The following ADAM22 variants were observed in gnomAD, a reference collection of about 807,000 sequenced individuals.
The protein encoded by ADAM22 is ADAM metallopeptidase domain 22, also known as disintegrin and metalloproteinase domain-containing protein 22.
ADAM22 carries 65 observed loss-of-function variants against 144.6 expected under a neutral mutation model. The observed-to-expected ratio is 0.45, with a 90% CI of 0.37 to 0.55. The LOEUF is 0.55. Ranked by LOEUF, ADAM22 falls within the 20% of genes least tolerant of loss-of-function variation. The pLI is 0.00. For missense variants in ADAM22, 974 were observed against 1,184.9 expected (o/e 0.82, Z 2.61); for synonymous variants, 391 against 412.6 (o/e 0.95, Z 0.63).
chr7:88,011,952 T>A (rs1435282541), intron 3 of ADAM22, among the ~76,000 whole-genome samples: 1 of 152,212 alleles, frequency 6.6e-6, no homozygotes, highest in Non-Finnish European at 1.5e-5. Flanking sequence ...TCTTGCTTGT[T>A]TTTATGCTAT....
intron 3 of ADAM22, among the ~76,000 whole-genome samples, chr7:88,060,949 C>T (rs1809668988): frequency 6.6e-6 from 1 of 151,344 alleles, no homozygotes; most frequent in African/African-American, 2.4e-5. Flanking sequence ...ACTAAAAATA[C>T]AAAACTTAGC....
chr7:88,179,049 T>A lies in ADAM22; in HGVS notation c.2415T>A (p.Ala805=). ...NSASSSKKRS[A]FLSHFQISTC... ...CATCTAGTTCTAAGAAGAGGTCTGC[T>A]TTTCTGTCGCATTTTCAGATTTCTA... Residue 805 remains alanine (A), a synonymous_variant, in exon 27 of 32, where the codon GCT becomes GCA. Coordinates refer to ENST00000413139, the MANE Select transcript of ADAM22 (RefSeq NM_001324418.2). 2.5e-6 allele frequency: 4 copies of A among 1,606,590 alleles called. No individual in the cohort carries two copies. The highest frequency in any genetic ancestry group is 3.4e-6 in the Non-Finnish European group (4 of 1,173,320).
chr7:88,087,123 G>C (rs1818643776), intron 4 of ADAM22, among the ~76,000 whole-genome samples: 1 of 152,044 alleles, frequency 6.6e-6, no homozygotes, highest in Non-Finnish European at 1.5e-5. Flanking sequence ...CTCCAGAGCT[G>C]ACTCTTACAT....
rs577380592 is a variant in ADAM22 at position 87,959,372 on chromosome 7, C to T, written c.247-18964C>T. ...AGTAAGAGCTCAATAAATGTTAGCT[C>T]CTTTTTTTTTAAGCTCCTATAATTA... On this transcript the variant is annotated intron_variant, in intron 2 of 31. Transcript: ENST00000413139. 3.9e-5 allele frequency among the ~76,000 whole-genome samples: 6 copies of T among 152,166 alleles called. 2 individuals are homozygous for T. In the South Asian group the frequency reaches 1.2e-3, roughly 32 times the overall value.
At chr7:88,072,007 A>G (rs1026628778) in intron 3 of ADAM22, among the ~76,000 whole-genome samples, 5 of 152,218 alleles carry the variant, frequency 3.3e-5, no homozygotes, top group African/African-American at 4.8e-5. Flanking sequence ...GGAAGCTTCA[A>G]GAAAATTAAC....
intron 23 of ADAM22, 34 bp downstream of exon 23, chr7:88,163,214 T>C: frequency 6.6e-7 from 1 of 1,526,446 alleles, no homozygotes. Context: ...AATCTATTTC[T>C]TTTATATCAC....
intron 4 of ADAM22, among the ~76,000 whole-genome samples, chr7:88,100,375 A>G (rs1447321735): frequency 6.6e-6 from 1 of 152,176 alleles, no homozygotes; most frequent in Non-Finnish European, 1.5e-5. Flanking sequence ...TTCATGGATT[A>G]TTGGCATTTG....
At chr7:88,017,621 A>G (rs1214394117) in intron 3 of ADAM22, among the ~76,000 whole-genome samples, 1 of 152,138 alleles carries the variant, frequency 6.6e-6, no homozygotes, top group Non-Finnish European at 1.5e-5. Context: ...TGCATGTCCA[A>G]AATGATATAA....
At chr7:87,988,097 C>T (rs1487183951) in intron 3 of ADAM22, among the ~76,000 whole-genome samples, 3 of 152,118 alleles carry the variant, frequency 2.0e-5, no homozygotes, top group Admixed American at 6.5e-5. Flanking sequence ...GAAAGATTAA[C>T]AGTGACTATT....
intron 3 of ADAM22, among the ~76,000 whole-genome samples, chr7:88,049,807 G>T (rs185723961): frequency 2.0e-5 from 3 of 152,176 alleles, no homozygotes; most frequent in Non-Finnish European, 4.4e-5. Context: ...TTAGTGAATG[G>T]TATATAGATT....
At chr7:88,005,413 GC>G (rs1276245578) in intron 3 of ADAM22, among the ~76,000 whole-genome samples, 4 of 152,172 alleles carry the variant, frequency 2.6e-5, no homozygotes, top group Non-Finnish European at 4.4e-5. Context: ...GAGGCTGCAG[GC>G]CCAGTGCTAT....
chr7:88,105,006 A>G (rs1250273830), intron 4 of ADAM22, among the ~76,000 whole-genome samples: 2 of 152,186 alleles, frequency 1.3e-5, no homozygotes, highest in Non-Finnish European at 2.9e-5. Context: ...AATCATCTAT[A>G]TAACTCTCCC....
intron 15 of ADAM22, among the ~76,000 whole-genome samples, chr7:88,144,471 A>G (rs534068746): frequency 1.6e-4 from 24 of 152,244 alleles, no homozygotes; most frequent in African/African-American, 5.8e-4. Context: ...TCGCTGCAAA[A>G]CTATCTTAAT....
intron 18 of ADAM22, among the ~76,000 whole-genome samples, chr7:88,149,916 T>G (rs1221228058): frequency 1.3e-5 from 2 of 152,234 alleles, no homozygotes; most frequent in Non-Finnish European, 2.9e-5. Flanking sequence ...GAGCATATTT[T>G]CTATGCCTTG....
chr7:88,087,976 A>G (rs1183354226), intron 4 of ADAM22, among the ~76,000 whole-genome samples: 1 of 152,208 alleles, frequency 6.6e-6, no homozygotes. Context: ...AAAAAGATGA[A>G]TAAGTAAGCA....
chr7:88,005,817 A>G (rs1793688565), intron 3 of ADAM22, among the ~76,000 whole-genome samples: 1 of 152,198 alleles, frequency 6.6e-6, no homozygotes, highest in South Asian at 2.1e-4. Flanking sequence ...ATGATTACAA[A>G]GTTAAGTATG....
chr7:88,137,907 A>C lies in ADAM22; in HGVS notation c.1220+1876A>C, dbSNP rs1046136269. Among the ~76,000 whole-genome samples the C allele has an allele frequency of 6.4e-4, 98 of 152,288 alleles. 1 individual carries two copies. The highest frequency in any genetic ancestry group is 2.3e-3 in the African/African-American group (97 of 41,560). ...GGTGGCTCATGGCTGTAATCCCATC[A>C]CTTTGAGAGGCTGAGGCAGGCAGAT... On this transcript the variant is annotated intron_variant, in intron 14 of 31. Coordinates refer to ENST00000413139, the MANE Select transcript of ADAM22 (RefSeq NM_001324418.2).
chr7:87,951,257 G>T (rs1845061322), intron 2 of ADAM22, among the ~76,000 whole-genome samples: 1 of 140,704 alleles, frequency 7.1e-6, no homozygotes, highest in Non-Finnish European at 1.5e-5. Flanking sequence ...TTCTTCTAGG[G>T]TTTTTATGGT....
At chr7:87,936,900 A>AT (rs1433540655) in intron 2 of ADAM22, among the ~76,000 whole-genome samples, 1 of 151,640 alleles carries the variant, frequency 6.6e-6, no homozygotes, top group Non-Finnish European at 1.5e-5. Flanking sequence ...TAGAGTATAT[A>AT]TTTAAGTAAG....
Sources: allele counts gnomAD v4.1 joint callset (sites outside exome capture counted in the v4.1 genomes callset), GRCh38; gene constraint gnomAD v4.1.1; transcripts MANE v1.5; gene names NCBI Gene and HGNC (gene_info 2026-07-23, HGNC 2026-07-21).